The following CCPG1 variants were observed in gnomAD, a reference collection of about 807,000 sequenced individuals.
CCPG1 encodes cell cycle progression 1.
In CCPG1, 46 loss-of-function variants were observed where a neutral mutation model predicts 81.3. That is an observed-to-expected ratio of 0.57 (90% CI 0.45 to 0.72). CCPG1 has a LOEUF of 0.72. Ranked by LOEUF, CCPG1 falls within the 30% of genes least tolerant of loss-of-function variation. The probability of loss-of-function intolerance (pLI) is 0.00; values close to 1 mark genes in which losing one functional copy is unlikely to be tolerated. For synonymous variants in CCPG1, 330 were observed against 305.2 expected, an observed-to-expected ratio of 1.08 and a Z score of -0.85; for missense variants, 902 against 937.6, an observed-to-expected ratio of 0.96 and a Z score of 0.50.
chr15:55,366,368 A>G (rs538684575), intron 6 of CCPG1, among the ~76,000 whole-genome samples: 1 of 152,252 alleles, frequency 6.6e-6, no homozygotes, highest in African/African-American at 2.4e-5. Context: ...AGTACAGCAC[A>G]GAAAATAATT....
Position 55,371,833 on chromosome 15 carries a change from A to G in CCPG1, c.666T>C (p.Ala222=). The G allele has an allele frequency of 6.2e-7, 1 of 1,614,160 alleles. No homozygotes were observed. The highest frequency in any genetic ancestry group is 1.1e-5 in the South Asian group (1 of 91,088). ...SSGLNKCVIL[A]LVIAISMGFG... ...ATCCCATGCTGATTGCAATCACCAA[A>G]GCAAGTATAACACACTTATTGAGAC... The change falls in exon 6 of 9, where the codon GCT becomes GCC. Residue 222 remains alanine, a synonymous_variant. Transcript: ENST00000442196.
At chr15:55,397,910 G>C (rs2057052343) in intron 1 of CCPG1, among the ~76,000 whole-genome samples, 1 of 152,100 alleles carries the variant, frequency 6.6e-6, no homozygotes, top group Non-Finnish European at 1.5e-5. Flanking sequence ...TCGGGAGGTG[G>C]AGGTTGCAGT....
At chr15:55,358,720 TA>T (rs1267514252) in intron 8 of CCPG1, 2 of 985,462 alleles carry the variant, frequency 2.0e-6, no homozygotes, top group Non-Finnish European at 2.4e-6. Context: ...TTTATTTACT[TA>T]GCTTGTGAGC....
chr15:55,357,088 TAC>T lies in CCPG1; in HGVS notation c.2235-681_2235-680del, dbSNP rs146502427. On this transcript the variant is annotated intron_variant, in intron 8 of 8. Transcript: ENST00000442196. ...TGTTCTCCCAGGAGTCTGATAAATATACAGTCTCGGCAAAAGAGATGACCATA... is the reference window on the plus strand; with the variant it reads ...TGTTCTCCCAGGAGTCTGATAAATATAGTCTCGGCAAAAGAGATGACCATA... The T allele has an allele frequency of 5.1e-3, 5,063 of 985,344 alleles. 33 individuals are homozygous for T. The highest frequency in any genetic ancestry group is 0.022 in the South Asian group (476 of 21,276). 61.0% of individuals were successfully genotyped at this position (985,344 alleles called of 1,614,324 possible).
Position 55,371,795 on chromosome 15 carries a change from T to A in CCPG1, c.704A>T (p.Tyr235Phe), listed in dbSNP as rs74438085. ...IAISMGFGHF[Y>F]GTIQIQKRQQ... ...ATAACACATTTTTGAGTACTTACCA[T>A]AGAAATGGCCAAATCCCATGCTGAT... Residue 235 changes from tyrosine (Y) to phenylalanine (F), a missense_variant and splice_region_variant, in exon 6 of 9, where the codon TAT (tyrosine) becomes TTT (phenylalanine). Tyr to Phe is a conservative substitution (Grantham distance 22). Coordinates refer to ENST00000442196, the MANE Select transcript of CCPG1 (RefSeq NM_001204450.2). The A allele has an allele frequency of 1.2e-6, 2 of 1,613,326 alleles. No individual in the cohort carries two copies. The highest frequency in any genetic ancestry group is 1.7e-5 in the Admixed American group (1 of 60,000).
intron 3 of CCPG1, among the ~76,000 whole-genome samples, chr15:55,384,902 T>G (rs547860781): frequency 6.6e-5 from 10 of 152,310 alleles, no homozygotes; most frequent in African/African-American, 2.4e-4. Flanking sequence ...AACAGGTTAG[T>G]AAATCTCTTG....
intron 7 of CCPG1, among the ~76,000 whole-genome samples, chr15:55,363,210 A>C (rs1277385885): frequency 1.3e-5 from 2 of 151,810 alleles, no homozygotes; most frequent in Admixed American, 6.6e-5. Flanking sequence ...TGAACCGGGC[A>C]TGGTGGAGGG....
At chr15:55,405,544 C>G (rs1210343283) in intron 1 of CCPG1, among the ~76,000 whole-genome samples, 1 of 151,906 alleles carries the variant, frequency 6.6e-6, no homozygotes, top group Non-Finnish European at 1.5e-5. Context: ...GACTCTGTCT[C>G]AAAAAAAGTA....
At chr15:55,370,022 T>C (rs1286191548) in intron 6 of CCPG1, among the ~76,000 whole-genome samples, 7 of 152,114 alleles carry the variant, frequency 4.6e-5, no homozygotes, top group African/African-American at 1.7e-4. Flanking sequence ...ATATTTCAAA[T>C]CAAATCTTAT....
intron 1 of CCPG1, among the ~76,000 whole-genome samples, chr15:55,391,154 G>A (rs945685771): frequency 1.1e-4 from 16 of 152,114 alleles, no homozygotes; most frequent in South Asian, 2.1e-4. Flanking sequence ...ACAGGGTCCC[G>A]TTCTGTCATA....
chr15:55,362,256 C>T (rs2056216997), intron 7 of CCPG1, among the ~76,000 whole-genome samples: 1 of 150,038 alleles, frequency 6.7e-6, no homozygotes, highest in Admixed American at 6.7e-5. Flanking sequence ...TTAAATTTGG[C>T]TTAATTTATC....
intron 4 of CCPG1, 40 bp from the exon 5 acceptor site, chr15:55,377,190 C>T (rs953902237): frequency 7.2e-7 from 1 of 1,396,414 alleles, no homozygotes; most frequent in Non-Finnish European, 1.0e-6. Context: ...GTTCAACAAT[C>T]ATTTAAGGGT....
chr15:55,402,740 T>A (rs952472385), intron 1 of CCPG1, among the ~76,000 whole-genome samples: 3 of 152,240 alleles, frequency 2.0e-5, no homozygotes, highest in African/African-American at 7.2e-5. Flanking sequence ...TCACATTCAA[T>A]GTAGTCTCAT....
intron 6 of CCPG1, among the ~76,000 whole-genome samples, chr15:55,371,114 A>G (rs945428606): frequency 6.6e-6 from 1 of 152,184 alleles, no homozygotes; most frequent in South Asian, 2.1e-4. Flanking sequence ...CTCCGTCTCC[A>G]AAAAACAAAG....
chr15:55,374,296 A>G (rs1488069095), intron 5 of CCPG1: 3 of 953,350 alleles, frequency 3.1e-6, no homozygotes, highest in South Asian at 2.9e-5. Flanking sequence ...GCTATATTAT[A>G]AAGACTAAAA....
intron 8 of CCPG1, chr15:55,359,219 G>A: frequency 9.8e-7 from 1 of 1,022,496 alleles, no homozygotes; most frequent in Non-Finnish European, 1.2e-6. Flanking sequence ...TTTCACTTAA[G>A]GTGATCTTTT....
At chr15:55,405,821 C>CTG (rs1367056434) in intron 1 of CCPG1, among the ~76,000 whole-genome samples, 4 of 152,192 alleles carry the variant, frequency 2.6e-5, no homozygotes, top group African/African-American at 9.7e-5. Flanking sequence ...TTCATATAGT[C>CTG]TACAGATGCA....
Position 55,365,928 on chromosome 15 carries a change from CTAAAAA to C in CCPG1, c.707-625_707-620del, listed in dbSNP as rs901460704. 5.9e-5 allele frequency among the ~76,000 whole-genome samples: 9 copies of C among 151,308 alleles called. 1 individual carries two copies. The highest frequency in any genetic ancestry group is 2.2e-4 in the African/African-American group (9 of 41,280). On this transcript the variant is annotated intron_variant, in intron 6 of 8. Coordinates refer to ENST00000442196, the MANE Select transcript of CCPG1 (RefSeq NM_001204450.2). ...CCAACATGGTGAAACCCTGTCTCTACTAAAAATAAAAATAAAATAAAATAAAAAAAG... is the reference window on the plus strand; with the variant it reads ...CCAACATGGTGAAACCCTGTCTCTACTAAAAATAAAATAAAATAAAAAAAG...
chr15:55,362,970 G>C (rs1241215400), intron 7 of CCPG1, among the ~76,000 whole-genome samples: 3 of 152,060 alleles, frequency 2.0e-5, no homozygotes, highest in Admixed American at 2.0e-4. Flanking sequence ...GAGCCCAGAA[G>C]TTAAGGCAGC....
Sources: allele counts gnomAD v4.1 joint callset (sites outside exome capture counted in the v4.1 genomes callset), GRCh38; gene constraint gnomAD v4.1.1; transcripts MANE v1.5; gene names NCBI Gene and HGNC (gene_info 2026-07-23, HGNC 2026-07-21).